The following ADGRA2 variants were observed in gnomAD, a reference collection of about 807,000 sequenced individuals.
ADGRA2 encodes the protein G-protein coupled receptor 124.
Under a neutral mutation model 98.7 loss-of-function variants are expected in ADGRA2, and 61 were observed. The ratio of observed to expected loss-of-function variants is 0.62; its 90% CI spans 0.50 to 0.76. ADGRA2 has a LOEUF of 0.76. ADGRA2 is among the 30% of genes least tolerant of loss of function. ADGRA2 has a pLI of 0.00. For missense variants in ADGRA2, 1,712 were observed against 1,860.0 expected (o/e 0.92, Z 1.46); for synonymous variants, 858 against 831.5 (o/e 1.03, Z -0.55).
At chr8:37,827,550 C>G (rs919077038) in intron 2 of ADGRA2, among the ~76,000 whole-genome samples, 3 of 152,250 alleles carry the variant, frequency 2.0e-5, no homozygotes, top group African/African-American at 7.2e-5. Flanking sequence ...CTGCCGCTCA[C>G]TCCTCCAGGC....
chr8:37,814,732 A>G lies in ADGRA2; in HGVS notation c.267-164A>G, dbSNP rs1804929299. On this transcript the variant is annotated intron_variant, in intron 1 of 18. Transcript: ENST00000412232. This position sits in a 1 kb window ranked among gnomAD's most constrained non-coding sequence, Gnocchi z 4.3. ...CGTGGGGCTGGGTGGACCGTTGGCCAGCTTCTCCCTGTAATCTCCGGAAGT... is the reference window on the plus strand; with the variant it reads ...CGTGGGGCTGGGTGGACCGTTGGCCGGCTTCTCCCTGTAATCTCCGGAAGT... Among the ~76,000 whole-genome samples, 1 of 152,182 alleles carries G rather than the reference A, an allele frequency of 6.6e-6. No homozygotes were observed.
rs1805565615 is a variant in ADGRA2 at position 37,835,048 on chromosome 8, G to A, written c.1609-126G>A. The A allele has an allele frequency of 4.6e-6, 3 of 648,372 alleles. No homozygotes were observed. The African/African-American group carries it at 5.5e-5, about 12-fold the overall frequency. 40.2% of individuals were successfully genotyped at this position (648,372 alleles called of 1,614,324 possible). ...TCTAAAAAAAAAAAGAGAGAGAGGT[G>A]GCTTTGAAAAAACTGAGGATTGAAG... On this transcript the variant is annotated intron_variant, in intron 11 of 18. Transcript: ENST00000412232.
At position 37,833,085 on chromosome 8, in the gene ADGRA2, C is replaced by T. The variant is rs372033560; in HGVS notation, c.1173C>T (p.Gly391=). 8.7e-6 allele frequency: 14 copies of T among 1,611,880 alleles called. No individual in the cohort carries two copies. The highest frequency in any genetic ancestry group is 3.3e-5 in the Admixed American group (2 of 60,008). Residue 391 remains glycine, a synonymous_variant, in exon 9 of 19, where the codon GGC becomes GGT. Coordinates refer to ENST00000412232, the MANE Select transcript of ADGRA2 (RefSeq NM_032777.10). ...ATCCCTTCACCTCAGTGCCCCTGGGCGGGGGTGCCCCGGGCACCCGAGCCT... is the reference window on the plus strand; with the variant it reads ...ATCCCTTCACCTCAGTGCCCCTGGGTGGGGGTGCCCCGGGCACCCGAGCCT... The part of the protein sequence containing the change: ...LQYPFTSVPL[G]GGAPGTRASR...
At position 37,802,841 on chromosome 8, in the gene ADGRA2, G is replaced by T. The variant is rs1270862808; in HGVS notation, c.266+5307G>T. ...CTCTGGGGCTCACTGGTTGAATGAAGAAAACTGCAGAGGCCATCGTGCTGG... is the reference window on the plus strand; with the variant it reads ...CTCTGGGGCTCACTGGTTGAATGAATAAAACTGCAGAGGCCATCGTGCTGG... On this transcript the variant is annotated intron_variant, in intron 1 of 18. Coordinates refer to ENST00000412232, the MANE Select transcript of ADGRA2 (RefSeq NM_032777.10). The surrounding 1 kb of genome is among the most constrained non-coding windows in gnomAD (Gnocchi z 4.7). Among the ~76,000 whole-genome samples the T allele has an allele frequency of 6.6e-6, 1 of 152,206 alleles. No homozygotes were observed. Among genetic ancestry groups the T allele is most frequent in the Non-Finnish European group, 1.5e-5 (1 of 68,026 alleles).
At chr8:37,837,992 G>C (rs1260596298) in intron 14 of ADGRA2, 53 bp downstream of exon 14, 5 of 1,339,414 alleles carry the variant, frequency 3.7e-6, no homozygotes, top group Non-Finnish European at 5.0e-6. Flanking sequence ...GGGCTGGGTG[G>C]AAAATGGGGG....
chr8:37,805,088 T>C (rs988774026), intron 1 of ADGRA2, among the ~76,000 whole-genome samples: 3 of 152,190 alleles, frequency 2.0e-5, no homozygotes, highest in Non-Finnish European at 4.4e-5. Context: ...GGATGCTATC[T>C]CCTAGGTGTT....
chr8:37,828,902 A>T lies in ADGRA2; in HGVS notation c.353A>T (p.Asn118Ile). ...TGCCTCTGCAGGGACCTGAGGAACA[A>T]CATCATCAGCACAGTGCAGCCGGGC... is the stretch of plus-strand genomic sequence containing the variant. ...SLLEKLDLRN[N>I]IISTVQPGAF... The change falls in exon 3 of 19, where the codon AAC becomes ATC. Residue 118 changes from asparagine (N) to isoleucine (I), a missense_variant. Coordinates refer to ENST00000412232, the MANE Select transcript of ADGRA2 (RefSeq NM_032777.10). The T allele has an allele frequency of 1.3e-6, 2 of 1,599,874 alleles. No individual in the cohort carries two copies. Among genetic ancestry groups the T allele is most frequent in the Non-Finnish European group, 1.7e-6 (2 of 1,174,240 alleles).
rs1168312730 is a variant in ADGRA2, at chr8:37,804,132, C to CACACAT, written c.266+6603_266+6604insTACACA. On this transcript the variant is annotated intron_variant, in intron 1 of 18. Transcript: ENST00000412232. ...ACACACACACACACACACACACACACACACACACACACACACACACGGCTC... is the reference window on the plus strand; with the variant it reads ...ACACACACACACACACACACACACACACACATACACACACACACACACACACGGCTC... 4.7e-4 allele frequency among the ~76,000 whole-genome samples: 71 copies of CACACAT among 151,300 alleles called. 1 individual carries two copies. The South Asian group carries it at 0.011, about 23-fold the overall frequency.
rs1805421510 is a variant in ADGRA2, at chr8:37,830,544, C to A, written c.719-166C>A. ...AAAACCGCCTGTCCCTCCCCTTTAC[C>A]CTTACCCCTAGAGACTTTCTCTTGA... On this transcript the variant is annotated intron_variant, in intron 6 of 18. Transcript: ENST00000412232. The surrounding 1 kb of genome is among the most constrained non-coding windows in gnomAD (Gnocchi z 4.8). Among the ~76,000 whole-genome samples the A allele has an allele frequency of 6.6e-6, 1 of 152,196 alleles. No homozygotes were observed. Among genetic ancestry groups the A allele is most frequent in the Non-Finnish European group, 1.5e-5 (1 of 68,032 alleles).
At chr8:37,816,221 T>C (rs1390879368) in intron 2 of ADGRA2, among the ~76,000 whole-genome samples, 1 of 146,588 alleles carries the variant, frequency 6.8e-6, no homozygotes, top group African/African-American at 2.8e-5. Context: ...GCCCAGGAGT[T>C]CAAGGCTGCA....
At position 37,797,982 on chromosome 8, in the gene ADGRA2, C is replaced by A. The variant is rs991435454; in HGVS notation, c.266+448C>A. Among the ~76,000 whole-genome samples, 4 of 152,232 alleles carry A rather than the reference C, an allele frequency of 2.6e-5. No homozygotes were observed. Among genetic ancestry groups the A allele is most frequent in the African/African-American group, 9.6e-5 (4 of 41,468 alleles). ...GCGTCCCGGACTGGGCTGGAGGAGTCTCCGGATTTACCTGGCTGGCCTTGT... is the reference window on the plus strand; with the variant it reads ...GCGTCCCGGACTGGGCTGGAGGAGTATCCGGATTTACCTGGCTGGCCTTGT... On this transcript the variant is annotated intron_variant, in intron 1 of 18. Transcript: ENST00000412232. This position sits in a 1 kb window ranked among gnomAD's most constrained non-coding sequence, Gnocchi z 5.3.
intron 2 of ADGRA2, among the ~76,000 whole-genome samples, chr8:37,828,590 A>C (rs564960994): frequency 2.0e-5 from 3 of 146,450 alleles, no homozygotes; most frequent in African/African-American, 5.1e-5. Context: ...GGGTTCAAGC[A>C]ATTCTCCTGC....
rs1805836369 is a variant in ADGRA2 at position 37,842,423 on chromosome 8, A to G, written c.*68A>G. ...GTTCCCCCGCTCCTCGGGGCCCTCC[A>G]AGGTGTCTCCGTAGTCAGCAGGTTG... On this transcript the variant is annotated 3_prime_UTR_variant, in exon 19 of 19. Transcript: ENST00000412232. 1 of 1,406,874 alleles carries G rather than the reference A, an allele frequency of 7.1e-7. No homozygotes were observed. Among genetic ancestry groups the G allele is most frequent in the Non-Finnish European group, 9.2e-7 (1 of 1,081,108 alleles). The allele number at this position is 1,406,874 out of a possible 1,614,324, so 87.1% of individuals were successfully genotyped here.
intron 9 of ADGRA2, 108 bp downstream of exon 9, chr8:37,833,316 C>T (rs1390552461): frequency 8.1e-6 from 7 of 865,832 alleles, no homozygotes; most frequent in Non-Finnish European, 1.2e-5. Flanking sequence ...CTGGGCTGTG[C>T]CTCCTGTTCC....
chr8:37,823,849 T>C (rs538127670), intron 2 of ADGRA2, among the ~76,000 whole-genome samples: 3 of 152,350 alleles, frequency 2.0e-5, no homozygotes, highest in South Asian at 4.1e-4. Context: ...GTGTGTCTTC[T>C]TGGATAAAAT....
intron 1 of ADGRA2, among the ~76,000 whole-genome samples, chr8:37,806,377 T>C (rs1392603376): frequency 6.6e-6 from 1 of 152,138 alleles, no homozygotes; most frequent in Non-Finnish European, 1.5e-5. Flanking sequence ...CAAGCCAGGA[T>C]GCTGTGACCC....
In ADGRA2 at chr8:37,830,217, G is replaced by T. The variant is rs1585397312; in HGVS notation, c.718+203G>T. On this transcript the variant is annotated intron_variant, in intron 6 of 18. Transcript: ENST00000412232. This position sits in a 1 kb window ranked among gnomAD's most constrained non-coding sequence, Gnocchi z 4.8. Reference sequence around the variant, plus strand: ...ATCACCATCTGAGAAGTGCTGCCCAGCACAAAAAGGCTTTTCTGTGCTGTC... The same window carrying T: ...ATCACCATCTGAGAAGTGCTGCCCATCACAAAAAGGCTTTTCTGTGCTGTC... Among the ~76,000 whole-genome samples, 1 of 152,212 alleles carries T rather than the reference G, an allele frequency of 6.6e-6. No individual in the cohort carries two copies. The highest frequency in any genetic ancestry group is 6.5e-5 in the Admixed American group (1 of 15,282).
intron 9 of ADGRA2, 107 bp downstream of exon 9, chr8:37,833,315 G>T: frequency 1.1e-6 from 1 of 898,850 alleles, no homozygotes; most frequent in Non-Finnish European, 1.7e-6. Context: ...GCTGGGCTGT[G>T]CCTCCTGTTC....
chr8:37,826,659 C>A (rs78616461), intron 2 of ADGRA2, among the ~76,000 whole-genome samples: 12 of 152,302 alleles, frequency 7.9e-5, no homozygotes, highest in African/African-American at 2.9e-4. Flanking sequence ...TGTCCCCAAG[C>A]GGGACTGTGC....
Sources: allele counts gnomAD v4.1 joint callset (sites outside exome capture counted in the v4.1 genomes callset), GRCh38; gene constraint gnomAD v4.1.1; non-coding constraint Gnocchi (gnomAD v3.1); transcripts MANE v1.5; gene names NCBI Gene and HGNC (gene_info 2026-07-23, HGNC 2026-07-21).